The following DAB1 variants were observed in gnomAD, a reference collection of about 807,000 sequenced individuals.
DAB1 encodes the protein DAB adaptor protein 1.
In DAB1, 15 loss-of-function variants were observed where a neutral mutation model predicts 64.6. That is an observed-to-expected ratio of 0.23 (90% CI 0.16 to 0.36). The LOEUF is 0.36. Ranked by LOEUF, DAB1 falls within the 10% of genes least tolerant of loss-of-function variation. The pLI is 1.00. For missense variants in DAB1, 596 were observed against 706.7 expected (o/e 0.84, Z 1.78); for synonymous variants, 235 against 251.9 (o/e 0.93, Z 0.64).
At chr1:57,149,623 G>C (rs1271851159) in intron 2 of DAB1, among the ~76,000 whole-genome samples, 2 of 152,032 alleles carry the variant, frequency 1.3e-5, no homozygotes, top group Admixed American at 1.3e-4. Context: ...TTGTTCATTT[G>C]CATATCTTCT....
intron 2 of DAB1, among the ~76,000 whole-genome samples, chr1:57,178,257 TC>T (rs1441146614): frequency 1.3e-5 from 2 of 151,142 alleles, no homozygotes; most frequent in African/African-American, 4.9e-5. Flanking sequence ...ACCCAGCAAT[TC>T]CATCCTCCAT....
At chr1:57,312,415 A>G (rs958323142) in intron 1 of DAB1, among the ~76,000 whole-genome samples, 2 of 152,086 alleles carry the variant, frequency 1.3e-5, no homozygotes, top group Non-Finnish European at 1.5e-5. Context: ...ACGAGAGTTT[A>G]GAAATAACCT....
At chr1:57,576,027 A>C (rs1645245783) in intron 7 of DAB1, among the ~76,000 whole-genome samples, 1 of 152,220 alleles carries the variant, frequency 6.6e-6, no homozygotes, top group Non-Finnish European at 1.5e-5. Context: ...GGCAGTCCCC[A>C]ACTTAAAATA....
At chr1:57,585,068 T>C (rs1209857941) in intron 7 of DAB1, among the ~76,000 whole-genome samples, 2 of 149,186 alleles carry the variant, frequency 1.3e-5, no homozygotes, top group African/African-American at 4.9e-5. Context: ...GGCCAACATG[T>C]TGAAACCTCG....
chr1:58,301,494 A>ATT (rs11433230), intron 4 of DAB1, among the ~76,000 whole-genome samples: 2 of 150,140 alleles, frequency 1.3e-5, no homozygotes, highest in East Asian at 1.9e-4. Context: ...TATTTTGCGA[A>ATT]TTTTTTTTTT....
rs536262019 is a variant in DAB1 at position 58,121,409 on chromosome 1, A to G, written n.387+29102T>C. 2.6e-5 allele frequency among the ~76,000 whole-genome samples: 4 copies of G among 152,234 alleles called. No individual in the cohort carries two copies. The East Asian group carries it at 5.8e-4, about 22-fold the overall frequency. ...AAGGGCTACTTAACATTCTTCCCCC[A>G]GGCCCAAGAGAAAATCTTATGATGT... On this transcript the variant is annotated intron_variant and non_coding_transcript_variant, in intron 5 of 20. Transcript: ENST00000485760.
chr1:58,394,968 G>T (rs1644506712), intron 3 of DAB1, among the ~76,000 whole-genome samples: 1 of 150,698 alleles, frequency 6.6e-6, no homozygotes, highest in Non-Finnish European at 1.5e-5. Flanking sequence ...TATATACAAG[G>T]TATAGAGGAA....
chr1:57,716,503 A>C (rs1326322447), intron 6 of DAB1, among the ~76,000 whole-genome samples: 1 of 152,216 alleles, frequency 6.6e-6, no homozygotes, highest in Non-Finnish European at 1.5e-5. Context: ...CAGTCTTGGA[A>C]TAAGTGGGGC....
At chr1:57,418,988 T>C (rs928545633) in intron 1 of DAB1, among the ~76,000 whole-genome samples, 4 of 152,170 alleles carry the variant, frequency 2.6e-5, no homozygotes, top group Non-Finnish European at 5.9e-5. Context: ...GTTGTTTTCA[T>C]TTTTTTACAT....
chr1:57,570,673 A>C (rs2691425), intron 7 of DAB1, among the ~76,000 whole-genome samples: 1 of 151,800 alleles, frequency 6.6e-6, no homozygotes, highest in Non-Finnish European at 1.5e-5. Flanking sequence ...TTTTAATTCC[A>C]TATGAATTTT....
chr1:56,998,876 C>T (rs1223214500), intron 14 of DAB1, among the ~76,000 whole-genome samples: 1 of 152,152 alleles, frequency 6.6e-6, no homozygotes, highest in Non-Finnish European at 1.5e-5. Flanking sequence ...AGATAGGAAA[C>T]AGCGTTCGGC....
chr1:57,144,693 CAAAA>C (rs1175603284), intron 3 of DAB1, among the ~76,000 whole-genome samples: 1 of 99,230 alleles, frequency 1.0e-5, no homozygotes. Flanking sequence ...GACTCCTTCT[CAAAA>C]AAAAAAAAAG....
rs570341312 is a variant in DAB1 at position 57,347,433 on chromosome 1, G to T, written c.-136-56267C>A. On this transcript the variant is annotated intron_variant, in intron 1 of 14. Transcript: ENST00000371236. ...ATCTCTTCCCGTTCTAATTTGCTAA[G>T]ATTCTAATGGTATGAAAGAGCTCTG... 7.2e-4 allele frequency among the ~76,000 whole-genome samples: 110 copies of T among 152,300 alleles called. 1 individual carries two copies. The highest frequency in any genetic ancestry group is 2.6e-3 in the African/African-American group (107 of 41,560).
At chr1:57,065,617 A>T (rs1351495918) in intron 8 of DAB1, among the ~76,000 whole-genome samples, 1 of 152,230 alleles carries the variant, frequency 6.6e-6, no homozygotes, top group Non-Finnish European at 1.5e-5. Context: ...ATGAGTGCTA[A>T]GGTGCATGGT....
intron 5 of DAB1, among the ~76,000 whole-genome samples, chr1:58,084,048 A>T (rs958363602): frequency 6.6e-6 from 1 of 152,188 alleles, no homozygotes; most frequent in Non-Finnish European, 1.5e-5. Context: ...ATGATGTCAG[A>T]GATATCCAGG....
At chr1:58,308,005 G>GA (rs1662345131) in intron 4 of DAB1, among the ~76,000 whole-genome samples, 1 of 152,134 alleles carries the variant, frequency 6.6e-6, no homozygotes, top group African/African-American at 2.4e-5. Flanking sequence ...AAGAACATGA[G>GA]AAATTTACCC....
intron 4 of DAB1, among the ~76,000 whole-genome samples, chr1:58,158,970 G>C (rs1236283662): frequency 6.6e-6 from 1 of 152,176 alleles, no homozygotes; most frequent in African/African-American, 2.4e-5. Context: ...TTCCCATAGA[G>C]ACCCCTTTGT....
chr1:57,451,654 C>G (rs1030191791), intron 7 of DAB1, among the ~76,000 whole-genome samples: 1 of 152,070 alleles, frequency 6.6e-6, no homozygotes, highest in Non-Finnish European at 1.5e-5. Context: ...GAGGGAGAAG[C>G]GAAGGACGCA....
chr1:57,416,728 A>G (rs1437541128), intron 1 of DAB1, among the ~76,000 whole-genome samples: 3 of 152,200 alleles, frequency 2.0e-5, no homozygotes, highest in African/African-American at 2.4e-5. Flanking sequence ...TTTTACCCAA[A>G]TTAACTTAAT....
Sources: gnomAD v4.1 joint callset for allele counts (sites outside exome capture counted in the v4.1 genomes callset) on GRCh38, gnomAD v4.1.1 for gene constraint, MANE v1.5 for transcripts, NCBI Gene and HGNC (gene_info 2026-07-23, HGNC 2026-07-21) for gene names.